DPP10: variants seen among roughly 807,000 people sequenced by gnomAD.
DPP10 encodes the protein dipeptidyl peptidase like 10.
In DPP10, 33 loss-of-function variants were observed where a neutral mutation model predicts 120.9. The observed-to-expected ratio is 0.27, with a 90% CI of 0.21 to 0.37. The LOEUF (loss-of-function observed/expected upper bound fraction) is 0.37. Among genes scored for constraint, DPP10 ranks in the 10% least tolerant of loss-of-function variants. The pLI is 1.00. For missense variants in DPP10, 816 were observed against 942.8 expected (o/e 0.87, Z 1.76); for synonymous variants, 337 against 326.1 (o/e 1.03, Z -0.36).
At chr2:114,682,727 C>A (rs1454131136) in intron 1 of DPP10, among the ~76,000 whole-genome samples, 2 of 151,654 alleles carry the variant, frequency 1.3e-5, no homozygotes, top group Non-Finnish European at 2.9e-5. Flanking sequence ...TGATACTATC[C>A]TCCCAGGTAA....
At chr2:114,822,197 C>T (rs767502175) in intron 1 of DPP10, among the ~76,000 whole-genome samples, 21 of 152,298 alleles carry the variant, frequency 1.4e-4, no homozygotes, top group Non-Finnish European at 2.2e-4. Flanking sequence ...GAAATCTAGG[C>T]GGAGGTTCCC....
intron 1 of DPP10, among the ~76,000 whole-genome samples, chr2:114,961,744 A>C (rs1453899215): frequency 6.6e-6 from 1 of 152,116 alleles, no homozygotes; most frequent in African/African-American, 2.4e-5. Flanking sequence ...ACCTGAGGTC[A>C]GGAGTTCGAG....
intron 3 of DPP10, among the ~76,000 whole-genome samples, chr2:115,469,211 G>A (rs1400902084): frequency 6.6e-6 from 1 of 152,110 alleles, no homozygotes; most frequent in Non-Finnish European, 1.5e-5. Flanking sequence ...AAAGAAAATA[G>A]GAAAGTGAAA....
At chr2:115,232,097 T>C (rs1350220510) in intron 1 of DPP10, among the ~76,000 whole-genome samples, 1 of 152,172 alleles carries the variant, frequency 6.6e-6, no homozygotes, top group Non-Finnish European at 1.5e-5. Flanking sequence ...GCCTAGTCCA[T>C]TGTATTGTTC....
chr2:115,404,964 A>G (rs1017728744), intron 3 of DPP10, among the ~76,000 whole-genome samples: 3 of 152,312 alleles, frequency 2.0e-5, no homozygotes, highest in Non-Finnish European at 4.4e-5. Flanking sequence ...GTTTTGGTAG[A>G]AATAAACCAC....
intron 1 of DPP10, among the ~76,000 whole-genome samples, chr2:114,687,028 A>G (rs904606151): frequency 6.6e-6 from 1 of 152,014 alleles, no homozygotes; most frequent in East Asian, 1.9e-4. Context: ...TCAGACATGC[A>G]TTATACAACA....
intron 3 of DPP10, among the ~76,000 whole-genome samples, chr2:115,429,189 A>AT (rs373046142): frequency 6.0e-5 from 9 of 150,790 alleles, no homozygotes; most frequent in South Asian, 2.1e-4. Context: ...CATTTAAGGA[A>AT]TTTTTTTTTC....
At chr2:114,650,852 G>GT (rs1175857588) in intron 1 of DPP10, among the ~76,000 whole-genome samples, 1 of 152,142 alleles carries the variant, frequency 6.6e-6, no homozygotes, top group African/African-American at 2.4e-5. Context: ...AAGATACCAT[G>GT]TTTTTTCCTA....
At chr2:115,777,857 C>T in intron 15 of DPP10, 23 bp downstream of exon 15, 1 of 1,608,354 alleles carries the variant, frequency 6.2e-7, no homozygotes, top group Non-Finnish European at 8.5e-7. Context: ...CAAGGATCTC[C>T]TTACACAGAT....
chr2:115,705,260 C>A (rs1359699645), intron 7 of DPP10, among the ~76,000 whole-genome samples: 1 of 151,914 alleles, frequency 6.6e-6, no homozygotes, highest in African/African-American at 2.4e-5. Flanking sequence ...TCTCACATTT[C>A]CTACTAAAAG....
intron 1 of DPP10, among the ~76,000 whole-genome samples, chr2:114,569,136 G>A (rs942852897): frequency 8.5e-5 from 13 of 152,152 alleles, no homozygotes; most frequent in Non-Finnish European, 1.8e-4. Flanking sequence ...ACAGAGGCCT[G>A]GTTTAGATAT....
chr2:114,858,953 CTTTG>C lies in DPP10; in HGVS notation c.60+416122_60+416125del, dbSNP rs374296521. 2.9e-4 allele frequency among the ~76,000 whole-genome samples: 44 copies of C among 152,238 alleles called. No individual in the cohort carries two copies. The East Asian group carries it at 5.6e-3, about 19-fold the overall frequency. On this transcript the variant is annotated intron_variant, in intron 1 of 25. Transcript: ENST00000410059. ...ATGGAGTCTATCTGCATATCCCATC[CTTTG>C]TTTGTTACAAATCTCAATAGGAGTA...
rs148631773 is a variant in DPP10 at position 114,740,518 on chromosome 2, A to G, written c.60+297680A>G. On this transcript the variant is annotated intron_variant, in intron 1 of 25. Coordinates refer to ENST00000410059, the MANE Select transcript of DPP10 (RefSeq NM_020868.6). ...AACTTAAAGTAATAATAAAATAAAA[A>G]TTAAAAAAAAACTTAAATGTACTTC... 5.1e-3 allele frequency among the ~76,000 whole-genome samples: 770 copies of G among 152,018 alleles called. 10 individuals are homozygous for G. Among genetic ancestry groups the G allele is most frequent in the African/African-American group, 0.018 (726 of 41,474 alleles).
intron 1 of DPP10, among the ~76,000 whole-genome samples, chr2:115,006,809 T>C (rs553615537): frequency 5.3e-5 from 8 of 151,154 alleles, no homozygotes; most frequent in African/African-American, 1.7e-4. Context: ...GACAGATCAA[T>C]GAGACAGAAA....
At chr2:115,251,529 C>CT (rs2058751513) in intron 1 of DPP10, among the ~76,000 whole-genome samples, 4 of 151,996 alleles carry the variant, frequency 2.6e-5, no homozygotes, top group African/African-American at 9.7e-5. Flanking sequence ...CAACCCCTGT[C>CT]TATAGGACCT....
At chr2:114,847,845 T>C (rs1688664400) in intron 1 of DPP10, among the ~76,000 whole-genome samples, 1 of 152,182 alleles carries the variant, frequency 6.6e-6, no homozygotes, top group Admixed American at 6.6e-5. Flanking sequence ...GGGAAAGTAC[T>C]GAATAATGGT....
intron 5 of DPP10, among the ~76,000 whole-genome samples, chr2:115,625,519 T>G (rs1398624704): frequency 6.6e-6 from 1 of 152,102 alleles, no homozygotes; most frequent in Admixed American, 6.6e-5. Context: ...AACGTTAAGG[T>G]ATTCAAGAAA....
At chr2:115,535,591 T>C (rs1479011202) in intron 5 of DPP10, among the ~76,000 whole-genome samples, 1 of 150,626 alleles carries the variant, frequency 6.6e-6, no homozygotes, top group African/African-American at 2.4e-5. Context: ...GACTTGGTGA[T>C]GCGGGCTCTT....
At chr2:114,553,228 C>T (rs1270332814) in intron 1 of DPP10, among the ~76,000 whole-genome samples, 1 of 152,220 alleles carries the variant, frequency 6.6e-6, no homozygotes, top group Non-Finnish European at 1.5e-5. Flanking sequence ...TCGTCTCTTC[C>T]TCTTGCCAGG....
Sources: gnomAD v4.1 joint callset for allele counts (sites outside exome capture counted in the v4.1 genomes callset) on GRCh38, gnomAD v4.1.1 for gene constraint, MANE v1.5 for transcripts, NCBI Gene and HGNC (gene_info 2026-07-23, HGNC 2026-07-21) for gene names.